The following NTM variants were observed in gnomAD, a reference collection of about 807,000 sequenced individuals.
NTM encodes the protein IgLON family member 2.
NTM carries 13 observed loss-of-function variants against 42.1 expected under a neutral mutation model. That is an observed-to-expected ratio of 0.31 (90% CI 0.20 to 0.49). The LOEUF (loss-of-function observed/expected upper bound fraction) is 0.49, where lower values mean the gene tolerates loss of function less well. NTM is among the 20% of genes least tolerant of loss of function. The pLI is 0.99. For missense variants in NTM, 373 were observed against 452.8 expected, an observed-to-expected ratio of 0.82 and a Z score of 1.60; for synonymous variants, 187 against 179.2, an observed-to-expected ratio of 1.04 and a Z score of -0.35.
At chr11:131,788,555 C>T (rs1037695127) in intron 1 of NTM, among the ~76,000 whole-genome samples, 1 of 152,144 alleles carries the variant, frequency 6.6e-6, no homozygotes, top group African/African-American at 2.4e-5. Context: ...TCCGTGCTGA[C>T]ACAATCAGAC....
chr11:132,324,726 A>T (rs967604672), intron 7 of NTM, among the ~76,000 whole-genome samples: 3 of 144,176 alleles, frequency 2.1e-5, no homozygotes, highest in Non-Finnish European at 4.6e-5. Flanking sequence ...ATCCTAAGCC[A>T]AAAGAACAAA....
At chr11:131,578,446 G>A (rs1272811090) in intron 1 of NTM, among the ~76,000 whole-genome samples, 2 of 152,154 alleles carry the variant, frequency 1.3e-5, no homozygotes, top group South Asian at 2.1e-4. Flanking sequence ...GGGACAAGGT[G>A]GATACCACAG....
chr11:131,839,812 C>T (rs1433623373), intron 1 of NTM, among the ~76,000 whole-genome samples: 2 of 152,206 alleles, frequency 1.3e-5, no homozygotes, highest in Middle Eastern at 3.2e-3. Context: ...GGAGGTCTGA[C>T]CCAGATCTGT....
chr11:132,077,255 A>G (rs988140663), intron 2 of NTM, among the ~76,000 whole-genome samples: 1 of 152,244 alleles, frequency 6.6e-6, no homozygotes, highest in Non-Finnish European at 1.5e-5. Flanking sequence ...TCTGTTGATA[A>G]CAGTGATGAG....
chr11:132,016,456 ACTT>A (rs201773110), intron 2 of NTM, among the ~76,000 whole-genome samples: 1 of 149,394 alleles, frequency 6.7e-6, no homozygotes, highest in African/African-American at 2.4e-5. Flanking sequence ...TTTGCATCTG[ACTT>A]CTTTTCATGT....
intron 1 of NTM, among the ~76,000 whole-genome samples, chr11:131,589,167 ATGTGTG>A (rs58237274): frequency 0.014 from 2,024 of 143,592 alleles, 51 homozygotes; most frequent in African/African-American, 0.05. Context: ...ACCTGGAAAA[ATGTGTG>A]TGTGTGTGTG....
At chr11:132,241,687 A>C (rs2090226465) in intron 4 of NTM, among the ~76,000 whole-genome samples, 1 of 152,208 alleles carries the variant, frequency 6.6e-6, no homozygotes, top group Non-Finnish European at 1.5e-5. Flanking sequence ...TAATACTAAA[A>C]ATATCTGTGA....
intron 1 of NTM, among the ~76,000 whole-genome samples, chr11:131,554,232 T>A (rs1321280345): frequency 6.6e-6 from 1 of 152,222 alleles, no homozygotes; most frequent in African/African-American, 2.4e-5. Flanking sequence ...ATGCCCATAG[T>A]TCCTAGGACA....
chr11:131,840,353 G>T (rs2044077959), intron 1 of NTM, among the ~76,000 whole-genome samples: 1 of 152,156 alleles, frequency 6.6e-6, no homozygotes, highest in Admixed American at 6.5e-5. Flanking sequence ...CAAACCAAGA[G>T]CATGTTCTCC....
At chr11:131,799,324 G>T (rs2091905475) in intron 1 of NTM, among the ~76,000 whole-genome samples, 1 of 152,158 alleles carries the variant, frequency 6.6e-6, no homozygotes, top group African/African-American at 2.4e-5. Flanking sequence ...AGAATTCTTG[G>T]ATGTCTAGCT....
At position 132,003,574 on chromosome 11, in the gene NTM, G is replaced by A. The variant is rs2069924651; in HGVS notation, c.167+91926G>A. The stretch of plus-strand genomic sequence containing the variant: ...GATTTGCATTTTTAACAAGTTCCTG[G>A]GTAAAACTGATCCTTGTGGTCTGGG... On this transcript the variant is annotated intron_variant, in intron 2 of 8. Coordinates refer to ENST00000683400, the MANE Select transcript of NTM (RefSeq NM_001352005.2). This position sits in a 1 kb window ranked among gnomAD's most constrained non-coding sequence, Gnocchi z 6.0. 6.6e-6 allele frequency among the ~76,000 whole-genome samples: 1 copy of A among 152,000 alleles called. No homozygotes were observed. The highest frequency in any genetic ancestry group is 2.4e-5 in the African/African-American group (1 of 41,394).
chr11:131,795,876 CGCCT>C (rs2091497092), intron 1 of NTM: 1 of 982,592 alleles, frequency 1.0e-6, no homozygotes, highest in Non-Finnish European at 1.2e-6. Flanking sequence ...CCATAGAGAC[CGCCT>C]GCCTTGTCTA....
At chr11:132,077,539 A>G (rs76843712) in intron 2 of NTM, among the ~76,000 whole-genome samples, 1 of 152,170 alleles carries the variant, frequency 6.6e-6, no homozygotes, top group Non-Finnish European at 1.5e-5. Context: ...CACAACCTTC[A>G]AAGGAGTAAA....
At chr11:132,252,490 G>A (rs1476905239) in intron 4 of NTM, among the ~76,000 whole-genome samples, 1 of 152,206 alleles carries the variant, frequency 6.6e-6, no homozygotes, top group Admixed American at 6.5e-5. Flanking sequence ...GCATATGGCA[G>A]CAGGAAAAGA....
intron 1 of NTM, among the ~76,000 whole-genome samples, chr11:131,845,328 G>A (rs1367541939): frequency 6.6e-6 from 1 of 152,068 alleles, no homozygotes; most frequent in Admixed American, 6.6e-5. Flanking sequence ...ATGGAGGTTG[G>A]GGGAGCTTGT....
At chr11:131,511,898 G>A (rs1484406318) in intron 1 of NTM, among the ~76,000 whole-genome samples, 3 of 152,166 alleles carry the variant, frequency 2.0e-5, no homozygotes, top group Non-Finnish European at 2.9e-5. Context: ...ATATGAAAGC[G>A]GAAGAGCCTG....
At chr11:131,499,063 G>C (rs992905621) in intron 1 of NTM, among the ~76,000 whole-genome samples, 1 of 152,086 alleles carries the variant, frequency 6.6e-6, no homozygotes, top group African/African-American at 2.4e-5. Flanking sequence ...GTCCAGTCGC[G>C]TTAAACAATA....
chr11:131,895,690 A>G (rs1462079469), intron 1 of NTM, among the ~76,000 whole-genome samples: 1 of 151,774 alleles, frequency 6.6e-6, no homozygotes, highest in Admixed American at 6.6e-5. Flanking sequence ...ATACATATAT[A>G]TGTGTGTGTG....
At chr11:131,700,541 T>C (rs2075967457) in intron 1 of NTM, among the ~76,000 whole-genome samples, 1 of 152,234 alleles carries the variant, frequency 6.6e-6, no homozygotes, top group African/African-American at 2.4e-5. Flanking sequence ...ACTTGTTTAT[T>C]GGGTTACAAT....
Sources: allele counts gnomAD v4.1 joint callset (sites outside exome capture counted in the v4.1 genomes callset), GRCh38; gene constraint gnomAD v4.1.1; non-coding constraint Gnocchi (gnomAD v3.1); transcripts MANE v1.5; gene names NCBI Gene and HGNC (gene_info 2026-07-23, HGNC 2026-07-21).